The following TRPM2 variants were observed in gnomAD, a reference collection of about 807,000 sequenced individuals.
TRPM2 encodes estrogen-responsive element-associated gene 1 protein.
In TRPM2, 161 loss-of-function variants were observed where a neutral mutation model predicts 174.0. The ratio of observed to expected loss-of-function variants is 0.93; its 90% CI spans 0.81 to 1.05. The LOEUF is 1.05. Among genes scored for constraint, TRPM2 ranks in the 50% least tolerant of loss-of-function variants. The pLI, the probability that TRPM2 is intolerant of heterozygous loss-of-function variation, is 0.00. For synonymous variants in TRPM2, 954 were observed against 861.3 expected (o/e 1.11, Z -1.88); for missense variants, 2,057 against 2,038.0 (o/e 1.01, Z -0.18).
chr21:44,379,799 T>C (rs956535819), intron 8 of TRPM2, among the ~76,000 whole-genome samples: 3 of 152,236 alleles, frequency 2.0e-5, no homozygotes, highest in African/African-American at 7.2e-5. Context: ...CTCCCCTCCC[T>C]GTGCCTGCTG....
chr21:44,417,539 C>T (rs1275797939), intron 20 of TRPM2, among the ~76,000 whole-genome samples: 4 of 105,538 alleles, frequency 3.8e-5, no homozygotes, highest in African/African-American at 8.0e-5. Context: ...ATAGTGGGCA[C>T]GTGGGCATGG....
chr21:44,403,618 CACAT>C (rs1042040333), intron 16 of TRPM2, among the ~76,000 whole-genome samples: 5 of 151,100 alleles, frequency 3.3e-5, no homozygotes, highest in Admixed American at 3.3e-4. Flanking sequence ...CATAGGCACA[CACAT>C]TCATGCATAT....
chr21:44,426,863 G>T (rs1312185771), intron 26 of TRPM2, 127 bp downstream of exon 26: 5 of 1,342,568 alleles, frequency 3.7e-6, no homozygotes, highest in South Asian at 3.7e-5. Flanking sequence ...GCCCGTGGGG[G>T]CCTGAAGGGG....
At chr21:44,404,340 A>C (rs1477277843) in intron 16 of TRPM2, among the ~76,000 whole-genome samples, 1 of 151,920 alleles carries the variant, frequency 6.6e-6, no homozygotes, top group Non-Finnish European at 1.5e-5. Flanking sequence ...ATGCATACAC[A>C]TACAAATACA....
At chr21:44,371,269 C>A (rs1469149225) in intron 5 of TRPM2, among the ~76,000 whole-genome samples, 1 of 149,420 alleles carries the variant, frequency 6.7e-6, no homozygotes, top group Non-Finnish European at 1.5e-5. Flanking sequence ...TGTCCCGTGG[C>A]CGCCTCCCTC....
At chr21:44,411,833 C>T (rs1305314622) in intron 19 of TRPM2, among the ~76,000 whole-genome samples, 1 of 152,176 alleles carries the variant, frequency 6.6e-6, no homozygotes, top group African/African-American at 2.4e-5. Flanking sequence ...AGCTGCTTCT[C>T]CTGCACTTAT....
intron 22 of TRPM2, among the ~76,000 whole-genome samples, chr21:44,418,954 G>A (rs1266868338): frequency 6.6e-6 from 1 of 152,174 alleles, no homozygotes; most frequent in Non-Finnish European, 1.5e-5. Context: ...GCAGGACCTC[G>A]GCAGCCCAGC....
chr21:44,382,039 G>C (rs778338115), intron 8 of TRPM2, among the ~76,000 whole-genome samples: 1 of 151,902 alleles, frequency 6.6e-6, no homozygotes, highest in Non-Finnish European at 1.5e-5. Flanking sequence ...AGAAAGATAA[G>C]TGGATGGATG....
upstream of TRPM2, among the ~76,000 whole-genome samples, chr21:44,350,603 G>A (rs938417300): frequency 1.5e-5 from 2 of 135,138 alleles, no homozygotes; most frequent in Non-Finnish European, 3.1e-5. Flanking sequence ...TGGGGCTCGA[G>A]GCGCTGGTGC....
intron 2 of TRPM2, among the ~76,000 whole-genome samples, chr21:44,355,007 G>A (rs141424352): frequency 6.6e-5 from 10 of 151,918 alleles, no homozygotes; most frequent in African/African-American, 2.2e-4. Flanking sequence ...GCACTGTCGC[G>A]CGGCGAGGCC....
rs148423978 is a variant in TRPM2, at chr21:44,390,141, G to A, written c.1319-763G>A. ...CCCGCCTTGGCCTCCCAAAATGCGG[G>A]ATTACAGGTGTGAGCCACCTCGCCC... On this transcript the variant is annotated intron_variant, in intron 9 of 31. Coordinates refer to ENST00000397928, the MANE Select transcript of TRPM2 (RefSeq NM_003307.4). Among the ~76,000 whole-genome samples, 700 of 152,202 alleles carry A rather than the reference G, an allele frequency of 4.6e-3. 4 individuals are homozygous for A. Among genetic ancestry groups the A allele is most frequent in the African/African-American group, 0.016 (682 of 41,516 alleles).
intron 18 of TRPM2, 101 bp downstream of exon 18, chr21:44,406,138 C>T: frequency 6.9e-7 from 1 of 1,446,954 alleles, no homozygotes; most frequent in South Asian, 1.3e-5. Flanking sequence ...GGCTTAAACA[C>T]ACCTGTAGGT....
At position 44,435,191 on chromosome 21, in the gene TRPM2, C is replaced by T; in HGVS notation, c.4035C>T (p.Asn1345=). ...GRGSLSCFGP[N]HTLYPMVTRW... ...GGAGCCTCAGCTGCTTCGGACCCAA[C>T]CACACGCTGTACCCCATGGTCACGC... Residue 1345 remains asparagine (N), a synonymous_variant, in exon 28 of 32, where the codon AAC becomes AAT. Transcript: ENST00000397928. 1 of 1,613,410 alleles carries T rather than the reference C, an allele frequency of 6.2e-7. No homozygotes were observed. Among genetic ancestry groups the T allele is most frequent in the Non-Finnish European group, 8.5e-7 (1 of 1,179,582 alleles).
rs371053751 is a variant in TRPM2 at position 44,425,690 on chromosome 21, G to A, written c.3658G>A (p.Glu1220Lys). 31 of 1,543,418 alleles carry A rather than the reference G, an allele frequency of 2.0e-5. No homozygotes were observed. The African/African-American group carries it at 4.2e-4, about 21-fold the overall frequency. ...PTLASQKAAE[E>K]PDAEPGGRKK... ...CCCAGCCTCCCAGAAGGCCGCGGAG[G>A]AGCCGGATGCTGAGCCGGGAGGCAG... The change falls in exon 25 of 32, where the codon GAG becomes AAG. Residue 1220 changes from glutamate (E) to lysine (K), a missense_variant. By Grantham distance (56) the Glu-to-Lys change is moderately conservative. Transcript: ENST00000397928.
chr21:44,417,710 GCT>G (rs1217252215), intron 20 of TRPM2, among the ~76,000 whole-genome samples: 3 of 139,756 alleles, frequency 2.1e-5, no homozygotes, highest in South Asian at 2.4e-4. Flanking sequence ...GCGTGGCTCT[GCT>G]CTCTGTGGCA....
At position 44,393,238 on chromosome 21, in the gene TRPM2, C is replaced by A. The variant is rs368649598; in HGVS notation, c.1794+1613C>A. The stretch of plus-strand genomic sequence containing the variant: ...GCTGGATTTTGTATTTGTATTTCCT[C>A]TTGGGAGTATTTATCTCTGATTCAT... On this transcript the variant is annotated intron_variant, in intron 11 of 31. Transcript: ENST00000397928. 2.6e-4 allele frequency among the ~76,000 whole-genome samples: 39 copies of A among 152,244 alleles called. No homozygotes were observed. In the East Asian group the frequency reaches 6.9e-3, roughly 27 times the overall value.
chr21:44,370,218 G>A (rs2048490941), intron 5 of TRPM2, among the ~76,000 whole-genome samples: 1 of 152,128 alleles, frequency 6.6e-6, no homozygotes, highest in South Asian at 2.1e-4. Flanking sequence ...CAGGCAGCTG[G>A]GTGGGGCTGA....
At chr21:44,358,446 G>A (rs950988395) in intron 2 of TRPM2, among the ~76,000 whole-genome samples, 4 of 152,222 alleles carry the variant, frequency 2.6e-5, no homozygotes, top group Non-Finnish European at 5.9e-5. Flanking sequence ...CTCATTTCCC[G>A]TGGGGTGCCG....
chr21:44,414,422 AG>A (rs2050210542), intron 20 of TRPM2, among the ~76,000 whole-genome samples: 1 of 152,172 alleles, frequency 6.6e-6, no homozygotes, highest in African/African-American at 2.4e-5. Flanking sequence ...CCTTCTGCGC[AG>A]GCGCAGCATT....
Sources: allele counts gnomAD v4.1 joint callset (sites outside exome capture counted in the v4.1 genomes callset), GRCh38; gene constraint gnomAD v4.1.1; transcripts MANE v1.5; gene names NCBI Gene and HGNC (gene_info 2026-07-23, HGNC 2026-07-21).